The following WDPCP variants were observed in gnomAD, a reference collection of about 807,000 sequenced individuals.
WDPCP encodes WD repeat containing planar cell polarity effector, also known as WD repeat-containing and planar cell polarity effector protein fritz homolog.
WDPCP carries 71 observed loss-of-function variants against 93.1 expected under a neutral mutation model. The ratio of observed to expected loss-of-function variants is 0.76; its 90% CI spans 0.63 to 0.93. WDPCP has a LOEUF of 0.93. WDPCP is among the 40% of genes least tolerant of loss of function. WDPCP has a pLI of 0.00. For missense variants in WDPCP, 844 were observed against 887.4 expected, an observed-to-expected ratio of 0.95 and a Z score of 0.62; for synonymous variants, 315 against 315.0, an observed-to-expected ratio of 1.00 and a Z score of 0.00.
Position 63,484,913 on chromosome 2 carries a change from A to T in WDPCP, c.324+4T>A. 1 of 1,612,362 alleles carries T rather than the reference A, an allele frequency of 6.2e-7. No individual in the cohort carries two copies. The highest frequency in any genetic ancestry group is 8.5e-7 in the Non-Finnish European group (1 of 1,178,936). On this transcript the variant is annotated splice_donor_region_variant and intron_variant, in intron 5 of 17. Coordinates refer to ENST00000272321, the MANE Select transcript of WDPCP (RefSeq NM_015910.7). Reference sequence around the variant, plus strand: ...TGCCATTTTTGAAACTTTTTGAAAGATACCTCCAACTCTTTGAGCGAGTCT... The same window carrying T: ...TGCCATTTTTGAAACTTTTTGAAAGTTACCTCCAACTCTTTGAGCGAGTCT...
chr2:63,644,638 T>C (rs1319122190), intron 3 of WDPCP, among the ~76,000 whole-genome samples: 1 of 152,222 alleles, frequency 6.6e-6, no homozygotes, highest in East Asian at 1.9e-4. Context: ...CATTGGGTCC[T>C]GGGCTTTTCT....
chr2:63,391,174 T>G (rs1196223662), intron 10 of WDPCP, among the ~76,000 whole-genome samples: 2 of 152,018 alleles, frequency 1.3e-5, no homozygotes, highest in Non-Finnish European at 2.9e-5. Context: ...CAGCAGCACA[T>G]CAAAAAAGCT....
At chr2:63,754,848 C>G (rs1196439095) in intron 2 of WDPCP, among the ~76,000 whole-genome samples, 1 of 152,178 alleles carries the variant, frequency 6.6e-6, no homozygotes, top group Non-Finnish European at 1.5e-5. Flanking sequence ...TATTTATTAT[C>G]TCATTGTTAT....
intron 12 of WDPCP, among the ~76,000 whole-genome samples, chr2:63,367,313 AT>A (rs1262702196): frequency 6.6e-6 from 1 of 152,078 alleles, no homozygotes; most frequent in African/African-American, 2.4e-5. Flanking sequence ...AATACTGATT[AT>A]TTCAACTGTG....
At chr2:63,293,592 A>G (rs1684608888) in intron 13 of WDPCP, among the ~76,000 whole-genome samples, 1 of 152,238 alleles carries the variant, frequency 6.6e-6, no homozygotes, top group Admixed American at 6.5e-5. Context: ...ACTGTAAAAC[A>G]GCTGTCTAAA....
intron 1 of WDPCP, among the ~76,000 whole-genome samples, chr2:63,538,239 A>G (rs1032434880): frequency 2.0e-5 from 3 of 152,168 alleles, no homozygotes; most frequent in African/African-American, 7.2e-5. Context: ...AATTACTGTC[A>G]GCAATATTAT....
At chr2:63,302,347 G>C (rs752232696) in intron 13 of WDPCP, among the ~76,000 whole-genome samples, 23 of 152,184 alleles carry the variant, frequency 1.5e-4, no homozygotes, top group Non-Finnish European at 2.9e-4. Flanking sequence ...TAGAAAAGGG[G>C]AAGAAATACA....
At chr2:63,756,840 G>C (rs1669975900) in intron 2 of WDPCP, among the ~76,000 whole-genome samples, 1 of 152,072 alleles carries the variant, frequency 6.6e-6, no homozygotes, top group African/African-American at 2.4e-5. Flanking sequence ...TTCACACATG[G>C]GAAAATTCAG....
Position 63,657,876 on chromosome 2 carries a change from C to T in WDPCP, n.309-7038G>A, listed in dbSNP as rs1244187552. The stretch of plus-strand genomic sequence containing the variant: ...GGCCTCTGCTTGGCAGGGACCTGTC[C>T]ACCCCTCACCACCTACAACACCCAG... On this transcript the variant is annotated intron_variant and non_coding_transcript_variant, in intron 2 of 4. Coordinates refer to the WDPCP transcript ENST00000467687. 2.0e-5 allele frequency among the ~76,000 whole-genome samples: 3 copies of T among 152,210 alleles called. No individual in the cohort carries two copies. In the East Asian group the frequency reaches 5.8e-4, roughly 29 times the overall value.
At chr2:63,618,818 C>T (rs1168540130) in intron 3 of WDPCP, among the ~76,000 whole-genome samples, 3 of 151,814 alleles carry the variant, frequency 2.0e-5, no homozygotes, top group Non-Finnish European at 4.4e-5. Flanking sequence ...AGCTCCTGAG[C>T]AGCTGGGATT....
intron 3 of WDPCP, among the ~76,000 whole-genome samples, chr2:63,621,554 G>A (rs1007129412): frequency 6.6e-6 from 1 of 152,170 alleles, no homozygotes; most frequent in African/African-American, 2.4e-5. Flanking sequence ...TTTGATTGGT[G>A]TACCTGAAAG....
intron 12 of WDPCP, among the ~76,000 whole-genome samples, chr2:63,377,330 A>G (rs923137475): frequency 6.6e-6 from 1 of 151,568 alleles, no homozygotes; most frequent in Admixed American, 6.6e-5. Flanking sequence ...AGTAAAATTA[A>G]AAGTCTAAAA....
chr2:63,312,137 A>G (rs1418506007), intron 13 of WDPCP, among the ~76,000 whole-genome samples: 1 of 152,208 alleles, frequency 6.6e-6, no homozygotes, highest in African/African-American at 2.4e-5. Context: ...CAAAATGCAG[A>G]TGACGAACAA....
intron 3 of WDPCP, chr2:63,606,867 G>T (rs765098463): frequency 6.2e-7 from 1 of 1,609,906 alleles, no homozygotes; most frequent in South Asian, 1.1e-5. Context: ...AACAGAATAA[G>T]ACCTGGAAGT....
chr2:63,260,589 T>G (rs747698481), intron 13 of WDPCP, among the ~76,000 whole-genome samples: 13 of 152,194 alleles, frequency 8.5e-5, no homozygotes, highest in Non-Finnish European at 1.3e-4. Context: ...CTCACTCTGT[T>G]GCCAGGCTGG....
chr2:63,367,516 G>A (rs546493030), intron 12 of WDPCP, among the ~76,000 whole-genome samples: 4 of 152,086 alleles, frequency 2.6e-5, no homozygotes, highest in Non-Finnish European at 5.9e-5. Context: ...CAAATACAAC[G>A]TTTATTGCAG....
intron 1 of WDPCP, among the ~76,000 whole-genome samples, chr2:63,506,543 G>C (rs1701886266): frequency 6.6e-6 from 1 of 152,078 alleles, no homozygotes. Flanking sequence ...ACTGACAATA[G>C]ATCTGAGAAA....
intron 13 of WDPCP, among the ~76,000 whole-genome samples, chr2:63,283,408 A>G (rs1284564601): frequency 6.6e-6 from 1 of 152,230 alleles, no homozygotes; most frequent in Non-Finnish European, 1.5e-5. Flanking sequence ...AACATTCTAT[A>G]AACATTGTAT....
chr2:63,741,636 C>T (rs1348110054), intron 2 of WDPCP, among the ~76,000 whole-genome samples: 1 of 151,926 alleles, frequency 6.6e-6, no homozygotes, highest in East Asian at 1.9e-4. Context: ...CGTCATTCCT[C>T]ATTTGCCACT....
Sources: gnomAD v4.1 joint callset for allele counts (sites outside exome capture counted in the v4.1 genomes callset) on GRCh38, gnomAD v4.1.1 for gene constraint, MANE v1.5 for transcripts, NCBI Gene and HGNC (gene_info 2026-07-23, HGNC 2026-07-21) for gene names.